The following ZNF536 variants were observed in gnomAD, a reference collection of about 807,000 sequenced individuals.
The protein encoded by ZNF536 is zinc finger protein 536.
ZNF536 carries 13 observed loss-of-function variants against 84.5 expected under a neutral mutation model. The observed-to-expected ratio is 0.15, with a 90% confidence interval of 0.10 to 0.24. The LOEUF is 0.24. Ranked by LOEUF, ZNF536 falls within the 10% of genes least tolerant of loss-of-function variation. The pLI, the probability that ZNF536 is intolerant of heterozygous loss-of-function variation, is 1.00. For missense variants in ZNF536, 1,536 were observed against 1,747.5 expected (o/e 0.88, Z 2.16); for synonymous variants, 811 against 742.5 (o/e 1.09, Z -1.50).
chr19:30,624,853 T>C (rs1209293668), intron 1 of ZNF536, among the ~76,000 whole-genome samples: 1 of 152,148 alleles, frequency 6.6e-6, no homozygotes, highest in East Asian at 1.9e-4. Context: ...GCTGTTCTAG[T>C]GATAGTGAGT....
chr19:30,314,621 A>G (rs2046619001), intron 2 of ZNF536, among the ~76,000 whole-genome samples: 1 of 152,034 alleles, frequency 6.6e-6, no homozygotes, highest in Admixed American at 6.5e-5. Flanking sequence ...TTATCTTTGC[A>G]CTTTGACCTA....
intron 1 of ZNF536, among the ~76,000 whole-genome samples, chr19:30,415,180 TCCCTCC>T (rs1200821206): frequency 2.4e-5 from 1 of 41,288 alleles, no homozygotes; most frequent in Non-Finnish European, 4.2e-5. Context: ...TGTCTCCCTC[TCCCTCC>T]CCCTCCTCCT....
rs2146258404 is a variant in ZNF536, at chr19:30,549,469, A to G, written c.3850A>G (p.Ser1284Gly). Reference protein sequence around the residue: ...DGLAAFNGLASSTANSGCIKR... With the variant: ...DGLAAFNGLAGSTANSGCIKR... ...CTTAGCAGCCTTTAACGGACTTGCAAGTAGCACAGCAAATTCTGGATGTAT... is the reference window on the plus strand; with the variant it reads ...CTTAGCAGCCTTTAACGGACTTGCAGGTAGCACAGCAAATTCTGGATGTAT... Residue 1284 changes from serine (S) to glycine (G), a missense_variant, in exon 4 of 5, where the codon AGT becomes GGT. By Grantham distance (56) the Ser-to-Gly change is moderately conservative. Transcript: ENST00000355537. 1 of 1,520,242 alleles carries G rather than the reference A, an allele frequency of 6.6e-7. No homozygotes were observed. Among genetic ancestry groups the G allele is most frequent in the East Asian group, 2.3e-5 (1 of 43,994 alleles). 94.2% of individuals were successfully genotyped at this position (1,520,242 alleles called of 1,614,324 possible). A position where few individuals can be genotyped will look rare whatever the true frequency, so the allele number is the denominator to read the frequency against.
intron 2 of ZNF536, among the ~76,000 whole-genome samples, chr19:30,458,654 G>A (rs1404524706): frequency 6.6e-6 from 1 of 152,020 alleles, no homozygotes; most frequent in African/African-American, 2.4e-5. Context: ...GTTTCTCCAT[G>A]TTGGTCACGA....
intron 1 of ZNF536, among the ~76,000 whole-genome samples, chr19:30,674,276 G>C (rs981163130): frequency 6.6e-6 from 1 of 152,238 alleles, no homozygotes; most frequent in African/African-American, 2.4e-5. Context: ...AGCAGAGCTA[G>C]GGCTGGTTCT....
intron 1 of ZNF536, among the ~76,000 whole-genome samples, chr19:30,700,573 G>A (rs1328481132): frequency 1.3e-5 from 2 of 152,004 alleles, no homozygotes; most frequent in African/African-American, 4.8e-5. Flanking sequence ...TTTTTGTAGG[G>A]ATGAGGGCTT....
At chr19:30,349,959 G>T (rs2047879437) in intron 2 of ZNF536, among the ~76,000 whole-genome samples, 1 of 151,744 alleles carries the variant, frequency 6.6e-6, no homozygotes, top group Non-Finnish European at 1.5e-5. Context: ...GTATACTTTT[G>T]TTAACCTTAC....
At chr19:30,286,260 C>T (rs964943740) in intron 2 of ZNF536, among the ~76,000 whole-genome samples, 2 of 152,196 alleles carry the variant, frequency 1.3e-5, no homozygotes, top group Non-Finnish European at 2.9e-5. Context: ...CAAACAATTA[C>T]ACGCTCAAAT....
At chr19:30,512,171 A>T in intron 2 of ZNF536, among the ~76,000 whole-genome samples, 1 of 152,170 alleles carries the variant, frequency 6.6e-6, no homozygotes, top group East Asian at 1.9e-4. Context: ...AAATTCAGAG[A>T]ATTAGAACCA....
At chr19:30,286,677 A>C (rs970230218) in intron 2 of ZNF536, among the ~76,000 whole-genome samples, 2 of 152,220 alleles carry the variant, frequency 1.3e-5, no homozygotes, top group Admixed American at 1.3e-4. Flanking sequence ...TTTGGCTCGA[A>C]ATATGCAATC....
chr19:30,561,313 C>A (rs1038968520), downstream of ZNF536, among the ~76,000 whole-genome samples: 6 of 152,158 alleles, frequency 3.9e-5, no homozygotes, highest in African/African-American at 1.4e-4. Context: ...CCAAGGTGTG[C>A]CCTGCACCTG....
chr19:30,690,981 A>G (rs776867056), intron 1 of ZNF536, among the ~76,000 whole-genome samples: 2 of 152,190 alleles, frequency 1.3e-5, no homozygotes, highest in Non-Finnish European at 2.9e-5. Flanking sequence ...GATACCGGCT[A>G]ACTATTGTGA....
chr19:30,526,538 A>C lies in ZNF536; in HGVS notation c.2171-8309A>C, dbSNP rs1170397772. 3.9e-5 allele frequency among the ~76,000 whole-genome samples: 5 copies of C among 129,320 alleles called. No individual in the cohort carries two copies. In the East Asian group the frequency reaches 7.8e-4, roughly 20 times the overall value. The allele number at this position is 129,320 out of a possible 152,430, so 84.8% of individuals were successfully genotyped here. A position where few individuals can be genotyped will look rare whatever the true frequency, so the allele number is the denominator to read the frequency against. ...AGGAGATCGAGACCATCCCGGCTAA[A>C]ACGGTGAAACCCCGTCTCTACTAAA... On this transcript the variant is annotated intron_variant, in intron 2 of 4. Transcript: ENST00000355537.
At chr19:30,516,620 C>T (rs370043052) in intron 2 of ZNF536, among the ~76,000 whole-genome samples, 2 of 152,334 alleles carry the variant, frequency 1.3e-5, no homozygotes, top group East Asian at 1.9e-4. Context: ...TGTGGGCCAG[C>T]CCTTCGCTCG....
chr19:30,508,820 C>CTTTCTT (rs2055280781), intron 2 of ZNF536, among the ~76,000 whole-genome samples: 4 of 68,770 alleles, frequency 5.8e-5, no homozygotes, highest in African/African-American at 1.3e-4. Flanking sequence ...TTCTTTCTTT[C>CTTTCTT]TTTTTTTTTT....
intron 2 of ZNF536, among the ~76,000 whole-genome samples, chr19:30,321,718 T>G (rs1279016546): frequency 6.6e-6 from 1 of 151,962 alleles, no homozygotes; most frequent in East Asian, 1.9e-4. Flanking sequence ...CTCTTTTTTT[T>G]TTTTAATTAG....
chr19:30,271,617 G>T (rs2025861090), intron 1 of ZNF536, among the ~76,000 whole-genome samples: 1 of 152,102 alleles, frequency 6.6e-6, no homozygotes, highest in South Asian at 2.1e-4. Context: ...CCACGTTCCT[G>T]CTAGTTTCTA....
intron 1 of ZNF536, among the ~76,000 whole-genome samples, chr19:30,402,798 T>TATAA: frequency 1.8e-5 from 1 of 57,010 alleles, no homozygotes; most frequent in African/African-American, 6.1e-5. Context: ...AATTAAAAAA[T>TATAA]ATATATATAT....
chr19:30,242,271 A>G (rs1462511055), intron 1 of ZNF536, among the ~76,000 whole-genome samples: 1 of 152,116 alleles, frequency 6.6e-6, no homozygotes, highest in Non-Finnish European at 1.5e-5. Context: ...AGCTACAAAG[A>G]CAAAAATGAT....
Sources: gnomAD v4.1 joint callset for allele counts (sites outside exome capture counted in the v4.1 genomes callset) on GRCh38, gnomAD v4.1.1 for gene constraint, MANE v1.5 for transcripts, NCBI Gene and HGNC (gene_info 2026-07-23, HGNC 2026-07-21) for gene names.